OR9Q1: variants seen among roughly 807,000 people sequenced by gnomAD.
OR9Q1 encodes the protein olfactory receptor 9Q1.
For synonymous variants in OR9Q1, 153 were observed against 148.6 expected, an observed-to-expected ratio of 1.03 and a Z score of -0.22; for missense variants, 374 against 378.8, an observed-to-expected ratio of 0.99 and a Z score of 0.11.
chr11:58,121,596 T>A (rs1854033136), intron 2 of OR9Q1, among the ~76,000 whole-genome samples: 1 of 152,210 alleles, frequency 6.6e-6, no homozygotes, highest in Admixed American at 6.5e-5. Context: ...TTGAACCATT[T>A]GCCTGGCCTC....
intron 2 of OR9Q1, among the ~76,000 whole-genome samples, chr11:58,096,890 G>A (rs902029207): frequency 2.6e-5 from 4 of 152,108 alleles, no homozygotes; most frequent in Admixed American, 6.6e-5. Flanking sequence ...TTGTACTAGA[G>A]ACAGGGATTT....
intron 2 of OR9Q1, among the ~76,000 whole-genome samples, chr11:58,157,250 CCTA>C (rs939487595): frequency 6.6e-6 from 1 of 152,158 alleles, no homozygotes; most frequent in Non-Finnish European, 1.5e-5. Flanking sequence ...CAGGGTCGCT[CCTA>C]CTGACATTCA....
chr11:58,039,233 C>G (rs1344516998), intron 1 of OR9Q1, among the ~76,000 whole-genome samples: 1 of 152,214 alleles, frequency 6.6e-6, no homozygotes, highest in Non-Finnish European at 1.5e-5. Flanking sequence ...AGGTGATCCA[C>G]CCGCCTTGGC....
intron 2 of OR9Q1, among the ~76,000 whole-genome samples, chr11:58,098,842 C>T (rs1853756633): frequency 6.6e-6 from 1 of 152,092 alleles, no homozygotes; most frequent in Non-Finnish European, 1.5e-5. Flanking sequence ...CTACTACAGT[C>T]ATTTAGAATT....
At chr11:58,075,678 G>A (rs1239000270) in intron 2 of OR9Q1, among the ~76,000 whole-genome samples, 1 of 152,186 alleles carries the variant, frequency 6.6e-6, no homozygotes, top group Admixed American at 6.6e-5. Flanking sequence ...CTAGCACCTT[G>A]ATCTTTGACT....
chr11:58,155,400 C>T lies in OR9Q1; in HGVS notation c.-14-24031C>T, dbSNP rs954034155. Among the ~76,000 whole-genome samples the T allele has an allele frequency of 3.3e-5, 5 of 152,076 alleles. No homozygotes were observed. The East Asian group carries it at 5.8e-4, about 18-fold the overall frequency. ...GCACCGTAGCGCAGCCAAGTTCATA[C>T]AGAAAATGAACCACACAGGTACCTT... On this transcript the variant is annotated intron_variant, in intron 2 of 2. Transcript: ENST00000335397.
chr11:58,099,753 C>G (rs1430798504), intron 2 of OR9Q1, among the ~76,000 whole-genome samples: 2 of 152,108 alleles, frequency 1.3e-5, no homozygotes, highest in African/African-American at 4.8e-5. Context: ...CTGGGAATTT[C>G]CTTTCTATTT....
At chr11:58,076,447 TAGAA>T (rs1853539794) in intron 2 of OR9Q1, among the ~76,000 whole-genome samples, 1 of 152,166 alleles carries the variant, frequency 6.6e-6, no homozygotes, top group Non-Finnish European at 1.5e-5. Context: ...GGGACTGACT[TAGAA>T]GCCACCATTA....
At chr11:58,148,022 T>C (rs1213713394) in intron 2 of OR9Q1, among the ~76,000 whole-genome samples, 1 of 152,152 alleles carries the variant, frequency 6.6e-6, no homozygotes, top group East Asian at 1.9e-4. Context: ...TATTTTGGCC[T>C]CAATTTACCA....
intron 2 of OR9Q1, among the ~76,000 whole-genome samples, chr11:58,146,474 A>T (rs914735007): frequency 3.3e-5 from 5 of 152,212 alleles, no homozygotes; most frequent in African/African-American, 1.2e-4. Flanking sequence ...AGTATGTATT[A>T]TATCTACTAT....
At chr11:58,153,779 T>C (rs1854377175) in intron 2 of OR9Q1, among the ~76,000 whole-genome samples, 1 of 152,162 alleles carries the variant, frequency 6.6e-6, no homozygotes, top group South Asian at 2.1e-4. Flanking sequence ...GGCTCTCTGA[T>C]TTCCTCAGCT....
At chr11:58,102,076 T>C (rs1853789488) in intron 2 of OR9Q1, among the ~76,000 whole-genome samples, 1 of 152,200 alleles carries the variant, frequency 6.6e-6, no homozygotes, top group Non-Finnish European at 1.5e-5. Flanking sequence ...TTTTGGATCT[T>C]AGATTTAAGT....
At chr11:58,106,449 T>G (rs186823024) in intron 2 of OR9Q1, among the ~76,000 whole-genome samples, 356 of 152,292 alleles carry the variant, frequency 2.3e-3, no homozygotes, top group African/African-American at 7.7e-3. Flanking sequence ...TTTGGGTAGC[T>G]TTTTCACTCT....
intron 2 of OR9Q1, among the ~76,000 whole-genome samples, chr11:58,103,566 GTTT>G (rs201363301): frequency 2.0e-5 from 3 of 149,796 alleles, no homozygotes; most frequent in Non-Finnish European, 1.5e-5. Flanking sequence ...TTAATATTTT[GTTT>G]TTTTTTACAT....
intron 2 of OR9Q1, among the ~76,000 whole-genome samples, chr11:58,086,952 G>A (rs546175421): frequency 2.6e-5 from 4 of 151,820 alleles, no homozygotes; most frequent in African/African-American, 7.3e-5. Flanking sequence ...TGACTATAAT[G>A]AATAATAATG....
chr11:58,090,759 A>G (rs1016350851), intron 2 of OR9Q1, among the ~76,000 whole-genome samples: 1 of 152,090 alleles, frequency 6.6e-6, no homozygotes, highest in African/African-American at 2.4e-5. Flanking sequence ...TTGGTTGTGA[A>G]TCCATCTGGT....
intron 2 of OR9Q1, among the ~76,000 whole-genome samples, chr11:58,166,287 G>C (rs1854503843): frequency 6.6e-6 from 1 of 152,180 alleles, no homozygotes; most frequent in Non-Finnish European, 1.5e-5. Context: ...AGTAAAAAAG[G>C]GAGAGTGGCT....
At chr11:58,177,264 G>C (rs1854614629) in intron 2 of OR9Q1, among the ~76,000 whole-genome samples, 1 of 152,198 alleles carries the variant, frequency 6.6e-6, no homozygotes, top group Non-Finnish European at 1.5e-5. Flanking sequence ...CTTCTGAGTA[G>C]AGGCTGTTGG....
At chr11:58,133,098 C>T (rs544075309) in intron 2 of OR9Q1, among the ~76,000 whole-genome samples, 5 of 152,112 alleles carry the variant, frequency 3.3e-5, no homozygotes, top group Non-Finnish European at 7.4e-5. Context: ...ACCTTTTGGT[C>T]CTGCTGAAGG....
Sources: allele counts gnomAD v4.1 joint callset (sites outside exome capture counted in the v4.1 genomes callset), GRCh38; gene constraint gnomAD v4.1.1; transcripts MANE v1.5; gene names NCBI Gene and HGNC (gene_info 2026-07-23, HGNC 2026-07-21).